Variants in CNTRL observed in about 807,000 individuals in gnomAD.
The protein encoded by CNTRL is centriolin, also known as 110 kDa centrosomal protein.
A neutral mutation model predicts 303.7 loss-of-function variants in CNTRL; 233 were observed. The ratio of observed to expected loss-of-function variants is 0.77; its 90% CI spans 0.69 to 0.86. The LOEUF is 0.86. CNTRL is among the 40% of genes least tolerant of loss of function. The probability of loss-of-function intolerance (pLI) is 0.00; values close to 1 mark genes in which losing one functional copy is unlikely to be tolerated. For missense variants in CNTRL, 2,524 were observed against 2,650.6 expected, an observed-to-expected ratio of 0.95 and a Z score of 1.05; for synonymous variants, 900 against 922.2, an observed-to-expected ratio of 0.98 and a Z score of 0.44.
intron 7 of CNTRL, among the ~76,000 whole-genome samples, chr9:121,102,881 G>C (rs575772896): frequency 6.6e-6 from 1 of 152,110 alleles, no homozygotes; most frequent in Non-Finnish European, 1.5e-5. Flanking sequence ...ACAAACCACT[G>C]CTCAACGAAA....
At chr9:121,089,521 A>G (rs923097232) in intron 3 of CNTRL, among the ~76,000 whole-genome samples, 2 of 152,216 alleles carry the variant, frequency 1.3e-5, no homozygotes, top group Non-Finnish European at 2.9e-5. Flanking sequence ...TTTGCCATCC[A>G]TCAAGTGACT....
In CNTRL at chr9:121,140,558, G is replaced by C. The variant is rs905242651; in HGVS notation, c.2338-83G>C. ...AGGCATTGTCTGAATTTAGTTCTGT[G>C]GTCTAGATATGTTTGTTAGTTCGTT... On this transcript the variant is annotated intron_variant, in intron 16 of 43. Transcript: ENST00000373855. The C allele has an allele frequency of 7.3e-6, 9 of 1,227,410 alleles. No homozygotes were observed. In the African/African-American group the frequency reaches 1.4e-4, roughly 19 times the overall value. 76.0% of individuals were successfully genotyped at this position (1,227,410 alleles called of 1,614,324 possible).
rs61745682 is a variant in CNTRL, at chr9:121,167,492, C to G, written c.5659C>G (p.Leu1887Val). Residue 1887 changes from leucine to valine, a missense_variant, in exon 37 of 44, where the codon CTG (leucine) becomes GTG (valine). By Grantham distance (32) the Leu-to-Val change is conservative. Coordinates refer to ENST00000373855, the MANE Select transcript of CNTRL (RefSeq NM_007018.6). ...QDHLNLAKQD[L>V]LHTTKHQDVL... ...CCACTTGTTCTTTCACCTAAAGGAC[C>G]TGCTTCACACCACCAAGCATCAGGA... 3.1e-6 allele frequency: 5 copies of G among 1,610,882 alleles called. No individual in the cohort carries two copies. Among genetic ancestry groups the G allele is most frequent in the Non-Finnish European group, 4.2e-6 (5 of 1,178,728 alleles).
chr9:121,158,914 G>T lies in CNTRL; in HGVS notation c.4824G>T (p.Glu1608Asp), dbSNP rs778935730. 1.2e-6 allele frequency: 2 copies of T among 1,614,130 alleles called. No homozygotes were observed. Among genetic ancestry groups the T allele is most frequent in the South Asian group, 2.2e-5 (2 of 91,078 alleles). The change falls in exon 31 of 44, where the codon GAG becomes GAT. Residue 1608 changes from glutamate to aspartate, a missense_variant. Physicochemically the swap from Glu to Asp is conservative, Grantham distance 45. Coordinates refer to ENST00000373855, the MANE Select transcript of CNTRL (RefSeq NM_007018.6). ...VLDRQLGHKK[E>D]ELHLLQGSMV... ...ACAGGCAGTTAGGGCATAAAAAGGA[G>T]GAGCTGCATCTACTCCAAGGAAGCA...
Position 121,090,264 on chromosome 9 carries a change from T to C in CNTRL, c.218-11T>C. ...TCCTCTACTGATGATGATCTGTTTC[T>C]ATAATTTCAGGAGCTGATTCACATG... On this transcript the variant is annotated splice_polypyrimidine_tract_variant and intron_variant, in intron 3 of 43. Transcript: ENST00000373855. The C allele has an allele frequency of 1.3e-6, 2 of 1,590,176 alleles. No individual in the cohort carries two copies. The highest frequency in any genetic ancestry group is 1.7e-6 in the Non-Finnish European group (2 of 1,170,390).
At chr9:121,169,003 T>A (rs1479143598) in intron 38 of CNTRL, among the ~76,000 whole-genome samples, 1 of 152,228 alleles carries the variant, frequency 6.6e-6, no homozygotes, top group African/African-American at 2.4e-5. Context: ...GCCAGAGTTG[T>A]TGAAAAGTAA....
At chr9:121,115,444 G>A (rs2049934608) in intron 11 of CNTRL, among the ~76,000 whole-genome samples, 1 of 152,106 alleles carries the variant, frequency 6.6e-6, no homozygotes, top group Non-Finnish European at 1.5e-5. Flanking sequence ...GTAAAAAGGT[G>A]TAGTCTTGAG....
chr9:121,152,793 G>A (rs1368419901), intron 26 of CNTRL, 100 bp downstream of exon 26: 5 of 916,408 alleles, frequency 5.5e-6, no homozygotes, highest in Non-Finnish European at 8.3e-6. Context: ...TTGATCTTCT[G>A]TCCAAAACAG....
intron 4 of CNTRL, among the ~76,000 whole-genome samples, chr9:121,094,643 G>A (rs1040702987): frequency 2.6e-5 from 4 of 152,214 alleles, no homozygotes; most frequent in African/African-American, 9.6e-5. Context: ...TTGTTGGATA[G>A]TCTTGAGCTT....
At chr9:121,157,662 G>A in intron 28 of CNTRL, 62 bp downstream of exon 28, 1 of 1,605,454 alleles carries the variant, frequency 6.2e-7, no homozygotes, top group Non-Finnish European at 8.5e-7. Flanking sequence ...TTGCTTCTAA[G>A]GGGATAATAA....
In CNTRL at chr9:121,158,081, G is replaced by T; in HGVS notation, c.4736G>T (p.Arg1579Ile). 1.2e-6 allele frequency: 2 copies of T among 1,614,124 alleles called. No homozygotes were observed. The highest frequency in any genetic ancestry group is 1.7e-6 in the Non-Finnish European group (2 of 1,180,014). ...KESEVLLQAK[R>I]AELEKLKSQV... ...TCTGAGGTGCTTCTTCAGGCCAAAA[G>T]AGCCGAGCTGGAAAAGCTGAAAAGC... Residue 1579 changes from arginine to isoleucine, a missense_variant, in exon 30 of 44, where the codon AGA (arginine) becomes ATA (isoleucine). Transcript: ENST00000373855.
Position 121,140,708 on chromosome 9 carries a change from G to T in CNTRL, c.2405G>T (p.Gly802Val). 1 of 1,613,678 alleles carries T rather than the reference G, an allele frequency of 6.2e-7. No homozygotes were observed. The highest frequency in any genetic ancestry group is 8.5e-7 in the Non-Finnish European group (1 of 1,179,720). Residue 802 changes from glycine (G) to valine (V), a missense_variant, in exon 17 of 44, where the codon GGT becomes GTT. By Grantham distance (109) the Gly-to-Val change is moderately radical (BLOSUM62 -3). Coordinates refer to ENST00000373855, the MANE Select transcript of CNTRL (RefSeq NM_007018.6). ...FQNHLNHVVDGLVRPEEVAAR... is the reference protein window; with the variant it reads ...FQNHLNHVVDVLVRPEEVAAR... ...AATCACCTTAACCATGTGGTTGATG[G>T]TTTGGTTCGTCCAGAAGAAGTGGCA...
intron 15 of CNTRL, 72 bp downstream of exon 15, chr9:121,136,054 T>C (rs2133872626): frequency 7.6e-7 from 1 of 1,314,604 alleles, no homozygotes; most frequent in Non-Finnish European, 1.0e-6. Context: ...CTTTTATTTA[T>C]GTCTTAATTT....
intron 7 of CNTRL, among the ~76,000 whole-genome samples, chr9:121,105,068 T>C (rs2049399732): frequency 1.3e-5 from 2 of 152,142 alleles, no homozygotes; most frequent in Admixed American, 6.5e-5. Context: ...CAGAGAATGA[T>C]TTGGAGCAGG....
chr9:121,146,026 GCTCT>G, intron 22 of CNTRL, 78 bp from the exon 23 acceptor site: 1 of 1,261,578 alleles, frequency 7.9e-7, no homozygotes. Context: ...AAATTAATTG[GCTCT>G]CTTAGAATCT....
intron 22 of CNTRL, 145 bp from the exon 23 acceptor site, chr9:121,145,963 C>A: frequency 1.5e-6 from 1 of 650,334 alleles, no homozygotes; most frequent in Non-Finnish European, 2.5e-6. Context: ...ATCAGTTTGC[C>A]TTTTTTTGAC....
At chr9:121,172,871 T>C (rs558110227) in intron 40 of CNTRL, among the ~76,000 whole-genome samples, 22 of 152,360 alleles carry the variant, frequency 1.4e-4, no homozygotes, top group African/African-American at 4.8e-4. Flanking sequence ...TTTATCTCCA[T>C]GTATAAATGA....
At position 121,169,830 on chromosome 9, in the gene CNTRL, G is replaced by C; in HGVS notation, c.6276+14G>C. ...AAAAACCTTCTTGTGAGTACCTGCT[G>C]CCGTGGCAGTTTGTGAGGAAATGAT... On this transcript the variant is annotated intron_variant, in intron 39 of 43. Transcript: ENST00000373855. 1 of 1,608,068 alleles carries C rather than the reference G, an allele frequency of 6.2e-7. No homozygotes were observed. The highest frequency in any genetic ancestry group is 8.5e-7 in the Non-Finnish European group (1 of 1,176,160).
chr9:121,170,351 C>A (rs1159907560), intron 39 of CNTRL, among the ~76,000 whole-genome samples: 1 of 152,120 alleles, frequency 6.6e-6, no homozygotes, highest in Admixed American at 6.5e-5. Context: ...ACCAGGTTGA[C>A]CAGGCTAGTC....
Sources: gnomAD v4.1 joint callset for allele counts (sites outside exome capture counted in the v4.1 genomes callset) on GRCh38, gnomAD v4.1.1 for gene constraint, MANE v1.5 for transcripts, NCBI Gene and HGNC (gene_info 2026-07-23, HGNC 2026-07-21) for gene names.